The following SPOP variants were observed in gnomAD, a reference collection of about 807,000 sequenced individuals.
The protein encoded by SPOP is speckle type BTB/POZ protein, also known as speckle-type POZ protein.
In SPOP, 11 loss-of-function variants were observed where a neutral mutation model predicts 45.6. The observed-to-expected ratio is 0.24, with a 90% CI of 0.15 to 0.40. The LOEUF (loss-of-function observed/expected upper bound fraction) is 0.40, where lower values mean the gene tolerates loss of function less well. Ranked by LOEUF, SPOP falls within the 10% of genes least tolerant of loss-of-function variation. SPOP has a pLI of 1.00. For synonymous variants in SPOP, 166 were observed against 166.3 expected (o/e 1.00, Z 0.01); for missense variants, 152 against 465.6 (o/e 0.33, Z 6.20).
At position 49,616,490 on chromosome 17, in the gene SPOP, A is replaced by C. The variant is rs528860044; in HGVS notation, c.480+2491T>G. Among the ~76,000 whole-genome samples, 4 of 152,204 alleles carry C rather than the reference A, an allele frequency of 2.6e-5. No homozygotes were observed. In the South Asian group the frequency reaches 8.3e-4, roughly 31 times the overall value. On this transcript the variant is annotated intron_variant, in intron 5 of 9. Transcript: ENST00000504102. ...ACAAACAAAATGTAAATATGAATTA[A>C]AACAAATGTGTTTATAAATATTCCA...
At chr17:49,641,531 C>T (rs533967419) in intron 1 of SPOP, among the ~76,000 whole-genome samples, 16 of 149,176 alleles carry the variant, frequency 1.1e-4, no homozygotes, top group African/African-American at 3.2e-4. Flanking sequence ...TTTAGATTCC[C>T]GTGCTTGAAA....
chr17:49,643,924 G>A (rs151036979), intron 1 of SPOP, among the ~76,000 whole-genome samples: 6 of 142,602 alleles, frequency 4.2e-5, no homozygotes, highest in African/African-American at 8.1e-5. Flanking sequence ...AGTGAGACCC[G>A]TCTCAAGGAA....
chr17:49,612,022 A>G (rs74602482), intron 5 of SPOP, among the ~76,000 whole-genome samples: 85 of 152,136 alleles, frequency 5.6e-4, no homozygotes, highest in African/African-American at 1.9e-3. Flanking sequence ...AGCTGGGACT[A>G]CAGGCGCATG....
At chr17:49,629,889 A>C (rs1230671163) in intron 1 of SPOP, among the ~76,000 whole-genome samples, 1 of 152,234 alleles carries the variant, frequency 6.6e-6, no homozygotes, top group African/African-American at 2.4e-5. Flanking sequence ...GACAGGAACA[A>C]GATTGTGAAG....
chr17:49,613,274 TAAAA>T (rs78472735), intron 5 of SPOP, among the ~76,000 whole-genome samples: 4 of 122,498 alleles, frequency 3.3e-5, no homozygotes, highest in Middle Eastern at 3.6e-3. Context: ...AATACTAATT[TAAAA>T]AAAAAAAAAA....
chr17:49,617,426 A>G (rs1597920362), intron 5 of SPOP, among the ~76,000 whole-genome samples: 1 of 152,234 alleles, frequency 6.6e-6, no homozygotes, highest in East Asian at 1.9e-4. Flanking sequence ...CAGAATTCAC[A>G]CTCCAAGTTT....
chr17:49,668,111 T>G (rs1482233920), intron 1 of SPOP: 1 of 152,202 alleles, frequency 6.6e-6, no homozygotes, highest in East Asian at 1.9e-4. Flanking sequence ...AGGTGTTTAG[T>G]GAGTACAGAG....
intron 1 of SPOP, among the ~76,000 whole-genome samples, chr17:49,630,901 C>T (rs1377114912): frequency 6.6e-6 from 1 of 152,168 alleles, no homozygotes; most frequent in Non-Finnish European, 1.5e-5. Context: ...CCCAATGGTT[C>T]TTAAATATAT....
chr17:49,655,338 C>T (rs1051036530), intron 1 of SPOP, among the ~76,000 whole-genome samples: 2 of 151,978 alleles, frequency 1.3e-5, no homozygotes, highest in African/African-American at 4.8e-5. Context: ...GGTGAAACCC[C>T]GTCTCGACTG....
intron 1 of SPOP, among the ~76,000 whole-genome samples, chr17:49,644,539 T>C (rs754834019): frequency 2.0e-5 from 3 of 152,116 alleles, no homozygotes; most frequent in South Asian, 4.1e-4. Flanking sequence ...TTGTCTGTAA[T>C]GTAATGGGGG....
intron 8 of SPOP, among the ~76,000 whole-genome samples, chr17:49,606,027 A>G (rs1046978903): frequency 6.6e-6 from 1 of 151,892 alleles, no homozygotes; most frequent in Non-Finnish European, 1.5e-5. Context: ...AATAGGCAGT[A>G]TTTCCCTGTA....
At chr17:49,604,467 C>T (rs1478788634) in intron 8 of SPOP, among the ~76,000 whole-genome samples, 1 of 152,218 alleles carries the variant, frequency 6.6e-6, no homozygotes, top group Non-Finnish European at 1.5e-5. Context: ...TAAACACAGG[C>T]ACTTTCCTCT....
intron 1 of SPOP, among the ~76,000 whole-genome samples, chr17:49,627,388 G>A (rs934277047): frequency 6.6e-6 from 1 of 152,196 alleles, no homozygotes; most frequent in Non-Finnish European, 1.5e-5. Context: ...CCATTAACAA[G>A]TAAGTATAAA....
intron 1 of SPOP, among the ~76,000 whole-genome samples, chr17:49,648,159 T>C (rs1394703488): frequency 6.6e-6 from 1 of 152,234 alleles, no homozygotes; most frequent in Non-Finnish European, 1.5e-5. Flanking sequence ...CTCACCTGAA[T>C]AGTTACTGGT....
intron 1 of SPOP, among the ~76,000 whole-genome samples, chr17:49,651,750 G>A (rs1347326708): frequency 2.6e-5 from 4 of 152,160 alleles, no homozygotes; most frequent in Non-Finnish European, 4.4e-5. Context: ...CCAACACGAT[G>A]GCTCATGCCT....
chr17:49,605,582 C>T (rs2071824273), intron 8 of SPOP, among the ~76,000 whole-genome samples: 2 of 151,954 alleles, frequency 1.3e-5, no homozygotes, highest in Admixed American at 6.6e-5. Flanking sequence ...CTCAGCTACT[C>T]GGGAGGCTGA....
rs1022381935 is a variant in SPOP at position 49,678,046 on chromosome 17, C to T, written c.-180G>A. ...TACACAAATACACACACACTCGGAG[C>T]GCGCACACTCACACACACACATACA... On this transcript the variant is annotated 5_prime_UTR_variant, in exon 1 of 10. Coordinates refer to ENST00000504102, the MANE Select transcript of SPOP (RefSeq NM_001007228.2). The T allele has an allele frequency of 7.5e-6, 3 of 399,418 alleles. No homozygotes were observed. The highest frequency in any genetic ancestry group is 1.3e-5 in the Non-Finnish European group (3 of 226,480). 24.7% of individuals were successfully genotyped at this position (399,418 alleles called of 1,614,324 possible).
intron 1 of SPOP, among the ~76,000 whole-genome samples, chr17:49,641,970 G>A (rs1222095422): frequency 1.3e-5 from 2 of 151,948 alleles, no homozygotes; most frequent in Non-Finnish European, 2.9e-5. Context: ...AGGTTGCAGT[G>A]AGCCAAGATG....
intron 8 of SPOP, among the ~76,000 whole-genome samples, chr17:49,605,801 A>T (rs1306669650): frequency 6.6e-6 from 1 of 152,108 alleles, no homozygotes; most frequent in Non-Finnish European, 1.5e-5. Context: ...CAGCCTGACC[A>T]ACATGGCGAA....
Sources: allele counts gnomAD v4.1 joint callset (sites outside exome capture counted in the v4.1 genomes callset), GRCh38; gene constraint gnomAD v4.1.1; transcripts MANE v1.5; gene names NCBI Gene and HGNC (gene_info 2026-07-23, HGNC 2026-07-21).